SLC8A1: variants seen among roughly 807,000 people sequenced by gnomAD.
SLC8A1 encodes solute carrier family 8 member A1.
Under a neutral mutation model 68.3 loss-of-function variants are expected in SLC8A1, and 18 were observed. The observed-to-expected ratio is 0.26, with a 90% CI of 0.18 to 0.39. The LOEUF (loss-of-function observed/expected upper bound fraction) is 0.39, where lower values mean the gene tolerates loss of function less well. SLC8A1 is among the 10% of genes least tolerant of loss of function. SLC8A1 has a pLI of 1.00. For synonymous variants in SLC8A1, 475 were observed against 415.5 expected, an observed-to-expected ratio of 1.14 and a Z score of -1.74; for missense variants, 985 against 1,156.7, an observed-to-expected ratio of 0.85 and a Z score of 2.15.
At chr2:40,192,962 A>G (rs746187016) in intron 2 of SLC8A1, among the ~76,000 whole-genome samples, 3 of 152,114 alleles carry the variant, frequency 2.0e-5, no homozygotes, top group Non-Finnish European at 4.4e-5. Flanking sequence ...AACAGTAACC[A>G]TCCGCCACGG....
At chr2:40,389,338 T>A (rs560000531) in intron 2 of SLC8A1, among the ~76,000 whole-genome samples, 5 of 152,074 alleles carry the variant, frequency 3.3e-5, no homozygotes, top group Non-Finnish European at 7.4e-5. Flanking sequence ...GATATGAACA[T>A]TCAATTCTTA....
At chr2:40,198,805 A>T (rs1291660405) in intron 2 of SLC8A1, among the ~76,000 whole-genome samples, 1 of 151,890 alleles carries the variant, frequency 6.6e-6, no homozygotes, top group Non-Finnish European at 1.5e-5. Context: ...ACTCCTCATT[A>T]CTATGACAAA....
At chr2:40,270,917 C>T (rs2065942997) in intron 2 of SLC8A1, among the ~76,000 whole-genome samples, 1 of 152,126 alleles carries the variant, frequency 6.6e-6, no homozygotes, top group South Asian at 2.1e-4. Context: ...GGAGTTCCGG[C>T]TGGTTTTCCT....
At chr2:40,400,954 A>T (rs146769035) in intron 2 of SLC8A1, among the ~76,000 whole-genome samples, 5 of 152,262 alleles carry the variant, frequency 3.3e-5, no homozygotes, top group Non-Finnish European at 5.9e-5. Context: ...AGAGGAGGAG[A>T]AAAAGGAAGC....
At chr2:40,200,610 T>A (rs1038783305) in intron 2 of SLC8A1, among the ~76,000 whole-genome samples, 1 of 151,676 alleles carries the variant, frequency 6.6e-6, no homozygotes, top group Admixed American at 6.6e-5. Flanking sequence ...CTCTGTGGCC[T>A]TGATGGCAAG....
At chr2:40,288,788 G>A (rs1559107584) in intron 2 of SLC8A1, among the ~76,000 whole-genome samples, 1 of 149,800 alleles carries the variant, frequency 6.7e-6, no homozygotes, top group African/African-American at 2.5e-5. Context: ...TGATCCCACA[G>A]AATCTTAAAA....
At chr2:40,276,162 G>T (rs1467695989) in intron 2 of SLC8A1, among the ~76,000 whole-genome samples, 1 of 152,206 alleles carries the variant, frequency 6.6e-6, no homozygotes, top group Non-Finnish European at 1.5e-5. Flanking sequence ...GGGAAAACTG[G>T]AATTTGAGAT....
chr2:40,368,652 T>C (rs1229925025), intron 2 of SLC8A1, among the ~76,000 whole-genome samples: 1 of 152,064 alleles, frequency 6.6e-6, no homozygotes, highest in Non-Finnish European at 1.5e-5. Flanking sequence ...CAGGTAAACT[T>C]GTGTCATGGG....
At chr2:40,240,516 A>T (rs1190778196) in intron 2 of SLC8A1, among the ~76,000 whole-genome samples, 1 of 152,210 alleles carries the variant, frequency 6.6e-6, no homozygotes, top group Non-Finnish European at 1.5e-5. Flanking sequence ...AAATAAAAAA[A>T]TTCCTGCTAT....
rs200474817 is a variant in SLC8A1 at position 40,428,452 on chromosome 2, CAT to C, written c.1808+19_1808+20del. ...ACACACACACACACACACACACACACATATATAATATAGAACTTACACAATTT... is the reference window on the plus strand; with the variant it reads ...ACACACACACACACACACACACACACATATAATATAGAACTTACACAATTT... On this transcript the variant is annotated intron_variant, in intron 2 of 7. Transcript: ENST00000406785. The C allele has an allele frequency of 3.4e-4, 505 of 1,479,072 alleles. No homozygotes were observed. The African/African-American group carries it at 6.3e-3, about 19-fold the overall frequency. The allele number at this position is 1,479,072 out of a possible 1,614,324, so 91.6% of individuals were successfully genotyped here.
intron 2 of SLC8A1, among the ~76,000 whole-genome samples, chr2:40,310,166 G>C (rs1467599018): frequency 6.6e-6 from 1 of 152,184 alleles, no homozygotes; most frequent in Non-Finnish European, 1.5e-5. Context: ...CTGTGTCCAA[G>C]GTAATGAGGT....
intron 2 of SLC8A1, among the ~76,000 whole-genome samples, chr2:40,239,643 C>T (rs564051417): frequency 1.3e-5 from 2 of 152,222 alleles, no homozygotes; most frequent in East Asian, 3.9e-4. Flanking sequence ...CTGGTGCATT[C>T]TACTCCAGCC....
At chr2:40,496,980 C>G (rs370781575) in intron 1 of SLC8A1, among the ~76,000 whole-genome samples, 3 of 150,048 alleles carry the variant, frequency 2.0e-5, no homozygotes, top group African/African-American at 7.3e-5. Context: ...TGCTAGATGA[C>G]GAGTTAGTGG....
chr2:40,246,904 T>C (rs2061947891), intron 2 of SLC8A1, among the ~76,000 whole-genome samples: 1 of 151,972 alleles, frequency 6.6e-6, no homozygotes, highest in South Asian at 2.1e-4. Context: ...TAGCTACCAG[T>C]GCCTGGCAAA....
At chr2:40,174,502 A>C (rs1308867694) in intron 4 of SLC8A1, among the ~76,000 whole-genome samples, 1 of 152,152 alleles carries the variant, frequency 6.6e-6, no homozygotes, top group African/African-American at 2.4e-5. Flanking sequence ...CAAAATATGA[A>C]CAGTTACAGT....
chr2:40,303,982 G>A (rs1226059159), intron 2 of SLC8A1, among the ~76,000 whole-genome samples: 1 of 152,126 alleles, frequency 6.6e-6, no homozygotes, highest in African/African-American at 2.4e-5. Flanking sequence ...GTTGTGACAG[G>A]CACCCGGATC....
chr2:40,222,465 G>T (rs985889860), intron 2 of SLC8A1, among the ~76,000 whole-genome samples: 1 of 152,052 alleles, frequency 6.6e-6, no homozygotes, highest in African/African-American at 2.4e-5. Context: ...CATAGGCATG[G>T]GCAAAGACTT....
rs114860528 is a variant in SLC8A1, at chr2:40,415,079, A to C, written c.1808+13394T>G. Among the ~76,000 whole-genome samples the C allele has an allele frequency of 5.9e-3, 903 of 152,322 alleles. 14 individuals are homozygous for C. The highest frequency in any genetic ancestry group is 0.02 in the African/African-American group (836 of 41,584). Reference sequence around the variant, plus strand: ...TGAGGACTATTCATGGAATGCATGAAGAAGACTGATAAGGATAGCCTATAA... The same window carrying C: ...TGAGGACTATTCATGGAATGCATGACGAAGACTGATAAGGATAGCCTATAA... On this transcript the variant is annotated intron_variant, in intron 2 of 7. Transcript: ENST00000406785.
intron 2 of SLC8A1, among the ~76,000 whole-genome samples, chr2:40,205,285 A>G (rs2148734011): frequency 7.5e-6 from 1 of 133,898 alleles, no homozygotes; most frequent in South Asian, 2.3e-4. Flanking sequence ...TTATAAGTCT[A>G]AAAAGTGCTA....
Sources: gnomAD v4.1 joint callset for allele counts (sites outside exome capture counted in the v4.1 genomes callset) on GRCh38, gnomAD v4.1.1 for gene constraint, MANE v1.5 for transcripts, NCBI Gene and HGNC (gene_info 2026-07-23, HGNC 2026-07-21) for gene names.